KLF12: variants seen among roughly 807,000 people sequenced by gnomAD.
KLF12 encodes Krueppel-like factor 12.
KLF12 carries 9 observed loss-of-function variants against 37.8 expected under a neutral mutation model. The ratio of observed to expected loss-of-function variants is 0.24; its 90% CI spans 0.14 to 0.42. The LOEUF (loss-of-function observed/expected upper bound fraction) is 0.42. KLF12 is among the 10% of genes least tolerant of loss of function. KLF12 has a pLI of 1.00. For missense variants in KLF12, 411 were observed against 516.0 expected (o/e 0.80, Z 1.97); for synonymous variants, 208 against 202.1 (o/e 1.03, Z -0.25).
At chr13:74,007,113 T>G (rs375085653) in intron 1 of KLF12, among the ~76,000 whole-genome samples, 127 of 152,234 alleles carry the variant, frequency 8.3e-4, no homozygotes, top group African/African-American at 3.0e-3. Flanking sequence ...TAGACACAAG[T>G]ACTGAATAAA....
At chr13:73,947,633 A>G (rs1233066432) in intron 2 of KLF12, among the ~76,000 whole-genome samples, 3 of 116,910 alleles carry the variant, frequency 2.6e-5, no homozygotes, top group African/African-American at 1.0e-4. Context: ...CCTGAGCGAC[A>G]GAGGGAGACG....
chr13:73,944,555 T>C (rs1355648605), intron 2 of KLF12, among the ~76,000 whole-genome samples: 3 of 152,228 alleles, frequency 2.0e-5, no homozygotes. Flanking sequence ...AATTTTTATG[T>C]CATGGCAATT....
intron 1 of KLF12, among the ~76,000 whole-genome samples, chr13:74,072,623 T>C (rs1874337725): frequency 6.6e-6 from 1 of 151,020 alleles, no homozygotes; most frequent in African/African-American, 2.4e-5. Flanking sequence ...TGGTCCCAGC[T>C]ACCTGGGAGG....
intron 1 of KLF12, among the ~76,000 whole-genome samples, chr13:74,125,498 G>A (rs969713980): frequency 5.9e-5 from 9 of 152,268 alleles, no homozygotes; most frequent in Admixed American, 5.9e-4. Flanking sequence ...ATACGTGTAA[G>A]TCAAACGGAT....
chr13:74,195,917 G>A, the KLF12 span, among the ~76,000 whole-genome samples: 5 of 152,066 alleles, frequency 3.3e-5, no homozygotes, highest in Non-Finnish European at 5.9e-5. Flanking sequence ...GGCCACACAC[G>A]TGACATTCAT....
chr13:74,200,441 T>C, the KLF12 span, among the ~76,000 whole-genome samples: 2 of 152,102 alleles, frequency 1.3e-5, no homozygotes, highest in African/African-American at 4.8e-5. Context: ...ATATTATGTG[T>C]CATGGAAGGG....
rs1873529406 is a variant in KLF12 at position 73,686,961 on chromosome 13, G to A, written c.*8529C>T. On this transcript the variant is annotated 3_prime_UTR_variant, in exon 8 of 8. Coordinates refer to ENST00000377669, the MANE Select transcript of KLF12 (RefSeq NM_007249.5). ...ATGTATTTTTTTTTCAAATATGACT[G>A]AGAGATTTATTCAAAAGAACATGAC... 6.6e-6 allele frequency: 1 copy of A among 152,252 alleles called. No homozygotes were observed. The highest frequency in any genetic ancestry group is 1.5e-5 in the Non-Finnish European group (1 of 67,952). 9.4% of individuals were successfully genotyped at this position (152,252 alleles called of 1,614,324 possible).
At chr13:73,874,683 T>C (rs1357121881) in intron 3 of KLF12, among the ~76,000 whole-genome samples, 1 of 152,186 alleles carries the variant, frequency 6.6e-6, no homozygotes, top group Non-Finnish European at 1.5e-5. Flanking sequence ...CCTTGGCAGA[T>C]GGCTTACCTT....
chr13:73,964,799 T>C (rs545288724), intron 2 of KLF12, among the ~76,000 whole-genome samples: 6 of 152,076 alleles, frequency 3.9e-5, no homozygotes, highest in African/African-American at 9.6e-5. Flanking sequence ...GTGGGTAACA[T>C]AGTGAGACCT....
intron 7 of KLF12, among the ~76,000 whole-genome samples, chr13:73,708,577 A>C (rs531004504): frequency 5.8e-4 from 88 of 152,126 alleles, no homozygotes; most frequent in African/African-American, 2.1e-3. Flanking sequence ...GTTCTGGTGC[A>C]CCATCTAGTG....
rs112746663 is a variant in KLF12 at position 74,077,018 on chromosome 13, T to C, written c.-32+56721A>G. On this transcript the variant is annotated intron_variant, in intron 1 of 7. Coordinates refer to ENST00000377669, the MANE Select transcript of KLF12 (RefSeq NM_007249.5). ...TGCATGGTATTCTGTGGTGTATATG[T>C]ACCACATTTTCCTTATCCAGTCTGT... Among the ~76,000 whole-genome samples the C allele has an allele frequency of 3.9e-3, 596 of 152,324 alleles. 7 individuals are homozygous for C. Among genetic ancestry groups the C allele is most frequent in the African/African-American group, 0.014 (577 of 41,560 alleles).
At chr13:74,054,898 A>C (rs1028388600) in intron 1 of KLF12, among the ~76,000 whole-genome samples, 1 of 152,238 alleles carries the variant, frequency 6.6e-6, no homozygotes, top group Non-Finnish European at 1.5e-5. Flanking sequence ...AAGACTTAAT[A>C]CTAAAGAAAA....
chr13:74,078,002 CT>C (rs746117777), intron 1 of KLF12, among the ~76,000 whole-genome samples: 278 of 152,324 alleles, frequency 1.8e-3, no homozygotes, highest in Non-Finnish European at 2.8e-3. Context: ...CTTCTTTCAT[CT>C]GCCTTTTAGA....
chr13:73,779,325 GGA>G (rs1260990693), intron 5 of KLF12, among the ~76,000 whole-genome samples: 1 of 152,144 alleles, frequency 6.6e-6, no homozygotes, highest in Non-Finnish European at 1.5e-5. Flanking sequence ...TCTAGAAAGG[GGA>G]GAGAGGCCTG....
At chr13:74,216,460 G>T in the KLF12 span, among the ~76,000 whole-genome samples, 1 of 152,160 alleles carries the variant, frequency 6.6e-6, no homozygotes, top group Non-Finnish European at 1.5e-5. Flanking sequence ...TTCTGATGAG[G>T]ACGGCATCCC....
chr13:73,704,639 C>A (rs537513975), intron 7 of KLF12, among the ~76,000 whole-genome samples: 1 of 152,262 alleles, frequency 6.6e-6, no homozygotes, highest in South Asian at 2.1e-4. Flanking sequence ...ATTTATTGTC[C>A]ATGCTGTAGA....
chr13:73,930,749 AGACT>A (rs561663714), intron 3 of KLF12, among the ~76,000 whole-genome samples: 193 of 152,342 alleles, frequency 1.3e-3, no homozygotes, highest in African/African-American at 4.3e-3. Context: ...CAGTATAAAC[AGACT>A]GACAGTAGCA....
In KLF12 at chr13:73,830,785, G is replaced by A. The variant is rs1050664173; in HGVS notation, c.670+15042C>T. Reference sequence around the variant, plus strand: ...CCTGCTCAAAAGAGCTCTAGGCAGGGGCCAGATATGTCTAAAAATGACATG... The same window carrying A: ...CCTGCTCAAAAGAGCTCTAGGCAGGAGCCAGATATGTCTAAAAATGACATG... On this transcript the variant is annotated intron_variant, in intron 4 of 7. Coordinates refer to ENST00000377669, the MANE Select transcript of KLF12 (RefSeq NM_007249.5). Among the ~76,000 whole-genome samples the A allele has an allele frequency of 6.6e-5, 10 of 152,118 alleles. No homozygotes were observed. The South Asian group carries it at 1.7e-3, about 25-fold the overall frequency.
At chr13:74,283,520 G>A in the KLF12 span, among the ~76,000 whole-genome samples, 3 of 152,296 alleles carry the variant, frequency 2.0e-5, 1 homozygote, top group South Asian at 6.2e-4. Context: ...TACATTCCAT[G>A]CAGATACTCC....
Sources: gnomAD v4.1 joint callset for allele counts (sites outside exome capture counted in the v4.1 genomes callset) on GRCh38, gnomAD v4.1.1 for gene constraint, MANE v1.5 for transcripts, NCBI Gene and HGNC (gene_info 2026-07-23, HGNC 2026-07-21) for gene names.